The following DDX6 variants were observed in gnomAD, a reference collection of about 807,000 sequenced individuals.
DDX6 encodes the protein DEAD-box helicase 6, also known as probable ATP-dependent RNA helicase DDX6.
Under a neutral mutation model 60.6 loss-of-function variants are expected in DDX6, and 7 were observed. The ratio of observed to expected loss-of-function variants is 0.12; its 90% CI spans 0.07 to 0.22. The LOEUF (loss-of-function observed/expected upper bound fraction) is 0.22. DDX6 is among the 10% of genes least tolerant of loss of function. The pLI, the probability that DDX6 is intolerant of heterozygous loss-of-function variation, is 1.00. For synonymous variants in DDX6, 207 were observed against 201.0 expected (o/e 1.03, Z -0.25); for missense variants, 270 against 589.9 (o/e 0.46, Z 5.62).
At chr11:118,782,417 A>G (rs1452926057) in intron 2 of DDX6, among the ~76,000 whole-genome samples, 1 of 152,166 alleles carries the variant, frequency 6.6e-6, no homozygotes, top group Non-Finnish European at 1.5e-5. Context: ...CTTTAAAAAA[A>G]AAAAAAAGAT....
Position 118,758,912 on chromosome 11 carries a change from G to C in DDX6, c.865-10C>G. Reference sequence around the variant, plus strand: ...TCTGCAAATGGGAATTCTGGGGGGGGAGCGGGAAAAAGATGAGTCGTCGTC... The same window carrying C: ...TCTGCAAATGGGAATTCTGGGGGGGCAGCGGGAAAAAGATGAGTCGTCGTC... On this transcript the variant is annotated splice_polypyrimidine_tract_variant and intron_variant, in intron 8 of 13. Transcript: ENST00000534980. The C allele has an allele frequency of 6.2e-6, 10 of 1,612,296 alleles. No homozygotes were observed. The highest frequency in any genetic ancestry group is 7.6e-6 in the Non-Finnish European group (9 of 1,179,286).
At chr11:118,770,164 T>C (rs1324052917) in intron 4 of DDX6, among the ~76,000 whole-genome samples, 2 of 151,886 alleles carry the variant, frequency 1.3e-5, no homozygotes, top group Non-Finnish European at 2.9e-5. Flanking sequence ...CAGCTTAGAT[T>C]AACGGCGTGT....
chr11:118,772,859 T>C (rs1244034689), intron 4 of DDX6, among the ~76,000 whole-genome samples: 1 of 152,216 alleles, frequency 6.6e-6, no homozygotes, highest in Non-Finnish European at 1.5e-5. Context: ...TGGTCTCCCC[T>C]GTCCCAACAG....
rs1188561021 is a variant in DDX6, at chr11:118,751,557, AAG to A, written c.*546_*547del. 4 of 152,948 alleles carry A rather than the reference AAG, an allele frequency of 2.6e-5. No homozygotes were observed. The highest frequency in any genetic ancestry group is 5.9e-5 in the Non-Finnish European group (4 of 68,306). The allele number at this position is 152,948 out of a possible 1,614,324, so 9.5% of individuals were successfully genotyped here. ...ATAAGAAGACATTTTTTAAAAGAAA[AAG>A]AAAAAAAAACGGAAAGAAAGAGTTA... On this transcript the variant is annotated 3_prime_UTR_variant, in exon 14 of 14. Coordinates refer to ENST00000534980, the MANE Select transcript of DDX6 (RefSeq NM_004397.6).
Position 118,754,721 on chromosome 11 carries a change from C to G in DDX6, c.1443G>C (p.Glu481Asp). ...AEYHSEPVED[E>D]KP ...GGGACGTACATGCTTGTTAAGGTTT[C>G]TCATCTTCTACAGGCTCGCTGTGGT... The change falls in exon 13 of 14, where the codon GAG becomes GAC. Residue 481 changes from glutamate (E) to aspartate (D), a missense_variant. Glu to Asp is a conservative substitution (Grantham distance 45, BLOSUM62 2). Coordinates refer to ENST00000534980, the MANE Select transcript of DDX6 (RefSeq NM_004397.6). 2.5e-6 allele frequency: 4 copies of G among 1,606,652 alleles called. No individual in the cohort carries two copies. Among genetic ancestry groups the G allele is most frequent in the Non-Finnish European group, 3.4e-6 (4 of 1,178,008 alleles).
At chr11:118,769,231 C>T (rs1485513937) in intron 4 of DDX6, among the ~76,000 whole-genome samples, 2 of 152,232 alleles carry the variant, frequency 1.3e-5, no homozygotes, top group African/African-American at 2.4e-5. Context: ...GTAGCTTGGA[C>T]ACCTCATCCC....
At chr11:118,779,759 T>C in intron 3 of DDX6, 23 bp from the exon 4 acceptor site, 2 of 1,509,364 alleles carry the variant, frequency 1.3e-6, no homozygotes, top group Non-Finnish European at 1.8e-6. Context: ...AAAGGAACAA[T>C]AAAAGAATAA....
At chr11:118,761,268 T>C (rs1289955539) in intron 7 of DDX6, among the ~76,000 whole-genome samples, 1 of 152,208 alleles carries the variant, frequency 6.6e-6, no homozygotes, top group African/African-American at 2.4e-5. Context: ...ATTGTAAAAC[T>C]ATTAAAATTT....
intron 1 of DDX6, chr11:118,787,930 G>A (rs762457450): frequency 6.6e-6 from 1 of 150,808 alleles, no homozygotes; most frequent in African/African-American, 2.4e-5. Context: ...AAAAAAATCC[G>A]CGGAAGACTA....
chr11:118,756,669 A>C (rs1860988341), intron 10 of DDX6, among the ~76,000 whole-genome samples: 1 of 152,222 alleles, frequency 6.6e-6, no homozygotes, highest in Non-Finnish European at 1.5e-5. Context: ...CATATTTAAA[A>C]ATCCAGAGCA....
intron 4 of DDX6, among the ~76,000 whole-genome samples, chr11:118,777,424 A>G (rs559338734): frequency 6.6e-6 from 1 of 152,300 alleles, no homozygotes; most frequent in East Asian, 1.9e-4. Context: ...ATGTATATAC[A>G]TGCATTTATT....
At chr11:118,786,896 G>A (rs1662103114) in intron 1 of DDX6, 1 of 152,154 alleles carries the variant, frequency 6.6e-6, no homozygotes, top group South Asian at 2.1e-4. Context: ...ACTCACTGAA[G>A]TATCACACAA....
chr11:118,778,494 C>T (rs145666390), intron 4 of DDX6, among the ~76,000 whole-genome samples: 1 of 152,170 alleles, frequency 6.6e-6, no homozygotes, highest in African/African-American at 2.4e-5. Context: ...GAAAACAATA[C>T]GCTAAGAGAA....
intron 9 of DDX6, 127 bp from the exon 10 acceptor site, chr11:118,757,414 T>G: frequency 2.0e-6 from 1 of 503,762 alleles, no homozygotes; most frequent in Non-Finnish European, 3.6e-6. Flanking sequence ...TCTCATGATA[T>G]GAGAGAGATG....
At chr11:118,778,492 T>C (rs1299825979) in intron 4 of DDX6, among the ~76,000 whole-genome samples, 1 of 152,136 alleles carries the variant, frequency 6.6e-6, no homozygotes, top group East Asian at 1.9e-4. Flanking sequence ...TTGAAAACAA[T>C]ACGCTAAGAG....
intron 6 of DDX6, among the ~76,000 whole-genome samples, chr11:118,764,835 C>CACACACACACACAG (rs1276508733): frequency 0.02 from 3,004 of 150,392 alleles, 96 homozygotes; most frequent in African/African-American, 0.071. Context: ...CACACACACA[C>CACACACACACACAG]ACATTATATA....
chr11:118,753,835 T>C (rs1860869889), intron 13 of DDX6, among the ~76,000 whole-genome samples: 1 of 152,084 alleles, frequency 6.6e-6, no homozygotes, highest in South Asian at 2.1e-4. Flanking sequence ...CTCACACCTG[T>C]AATCCCAGCC....
At chr11:118,784,534 C>G (rs1228388288) in intron 2 of DDX6, among the ~76,000 whole-genome samples, 1 of 151,396 alleles carries the variant, frequency 6.6e-6, no homozygotes, top group Non-Finnish European at 1.5e-5. Flanking sequence ...TCTTGGCTCT[C>G]TGCAACCTCC....
chr11:118,783,206 GA>G (rs1368543402), intron 2 of DDX6, among the ~76,000 whole-genome samples: 1 of 152,118 alleles, frequency 6.6e-6, no homozygotes, highest in Non-Finnish European at 1.5e-5. Flanking sequence ...CCGCAGAACT[GA>G]AAAGAAACCA....
Sources: gnomAD v4.1 joint callset for allele counts (sites outside exome capture counted in the v4.1 genomes callset) on GRCh38, gnomAD v4.1.1 for gene constraint, MANE v1.5 for transcripts, NCBI Gene and HGNC (gene_info 2026-07-23, HGNC 2026-07-21) for gene names.